The following FSTL5 variants were observed in gnomAD, a reference collection of about 807,000 sequenced individuals.
FSTL5 encodes follistatin like 5, also known as follistatin-related protein 5.
Under a neutral mutation model 89.1 loss-of-function variants are expected in FSTL5, and 62 were observed. The observed-to-expected ratio is 0.70, with a 90% CI of 0.57 to 0.86. The LOEUF (loss-of-function observed/expected upper bound fraction) is 0.86, where lower values mean the gene tolerates loss of function less well. Ranked by LOEUF, FSTL5 falls within the 40% of genes least tolerant of loss-of-function variation. FSTL5 has a pLI of 0.00. For synonymous variants in FSTL5, 383 were observed against 346.2 expected, an observed-to-expected ratio of 1.11 and a Z score of -1.18; for missense variants, 1,057 against 1,001.6, an observed-to-expected ratio of 1.06 and a Z score of -0.75.
At position 161,835,107 on chromosome 4, in the gene FSTL5, A is replaced by G. The variant is rs528609857; in HGVS notation, c.410-59033T>C. ...ATGGTACTGGTACCAAAACAGAGAT[A>G]TAGATCAATGGAACAGAACAGAGCC... On this transcript the variant is annotated intron_variant, in intron 4 of 15. Coordinates refer to ENST00000306100, the MANE Select transcript of FSTL5 (RefSeq NM_020116.5). 1.8e-4 allele frequency among the ~76,000 whole-genome samples: 27 copies of G among 148,018 alleles called. 1 individual carries two copies. The highest frequency in any genetic ancestry group is 6.7e-4 in the African/African-American group (26 of 38,910).
At chr4:161,632,144 G>A (rs569772620) in intron 7 of FSTL5, among the ~76,000 whole-genome samples, 2 of 152,264 alleles carry the variant, frequency 1.3e-5, no homozygotes, top group Admixed American at 6.5e-5. Context: ...ACTTTGGGAG[G>A]CTGAGGCAGG....
At chr4:161,968,732 C>A (rs1735394437) in intron 3 of FSTL5, among the ~76,000 whole-genome samples, 1 of 152,018 alleles carries the variant, frequency 6.6e-6, no homozygotes, top group Admixed American at 6.6e-5. Flanking sequence ...AGTAACACCA[C>A]ATATTGCCAG....
intron 3 of FSTL5, among the ~76,000 whole-genome samples, chr4:161,929,061 T>A (rs1264171640): frequency 6.6e-6 from 1 of 151,682 alleles, no homozygotes; most frequent in African/African-American, 2.4e-5. Flanking sequence ...GAATTTTTTT[T>A]GAATTACATA....
At chr4:161,559,021 C>G (rs570702370) in intron 8 of FSTL5, among the ~76,000 whole-genome samples, 7 of 151,934 alleles carry the variant, frequency 4.6e-5, no homozygotes, top group Non-Finnish European at 1.0e-4. Context: ...CTTCATTCTT[C>G]ATACTGCCGA....
At chr4:161,904,356 T>G in intron 4 of FSTL5, among the ~76,000 whole-genome samples, 1 of 152,122 alleles carries the variant, frequency 6.6e-6, no homozygotes, top group East Asian at 1.9e-4. Context: ...CTAATTTCAC[T>G]TATTCTACTA....
intron 4 of FSTL5, among the ~76,000 whole-genome samples, chr4:161,777,640 C>A (rs546423856): frequency 5.3e-5 from 8 of 151,930 alleles, no homozygotes; most frequent in Non-Finnish European, 1.2e-4. Context: ...TATATTTGCA[C>A]TTTTTATTTT....
intron 11 of FSTL5, among the ~76,000 whole-genome samples, chr4:161,501,096 C>T (rs1253703144): frequency 6.6e-6 from 1 of 152,084 alleles, no homozygotes; most frequent in Non-Finnish European, 1.5e-5. Flanking sequence ...TCAGTGATAG[C>T]ATGTTCTCTT....
chr4:161,441,585 T>A (rs1360898824), intron 15 of FSTL5, among the ~76,000 whole-genome samples: 1 of 152,074 alleles, frequency 6.6e-6, no homozygotes, highest in African/African-American at 2.4e-5. Flanking sequence ...AAAATTTCAC[T>A]GAGTTAAGTC....
intron 7 of FSTL5, among the ~76,000 whole-genome samples, chr4:161,639,163 C>G (rs1042059792): frequency 2.0e-5 from 3 of 152,020 alleles, no homozygotes; most frequent in Admixed American, 1.3e-4. Context: ...AGCAATTAAA[C>G]CACTATAAAT....
chr4:161,908,645 G>A (rs1319793337), intron 4 of FSTL5, among the ~76,000 whole-genome samples: 2 of 152,118 alleles, frequency 1.3e-5, no homozygotes, highest in East Asian at 3.9e-4. Flanking sequence ...ATGATTGGAA[G>A]CCTGATGGAT....
intron 6 of FSTL5, 40 bp from the exon 7 acceptor site, chr4:161,656,534 G>C (rs754926249): frequency 1.5e-6 from 2 of 1,340,016 alleles, no homozygotes; most frequent in Admixed American, 2.7e-5. Context: ...TGAGCATTTA[G>C]TTTTGTAAGG....
At chr4:161,804,595 T>C (rs531102293) in intron 4 of FSTL5, among the ~76,000 whole-genome samples, 2 of 151,924 alleles carry the variant, frequency 1.3e-5, no homozygotes, top group Non-Finnish European at 2.9e-5. Flanking sequence ...TATTAAAATA[T>C]GGATGAATTT....
intron 15 of FSTL5, among the ~76,000 whole-genome samples, chr4:161,449,766 A>C (rs1342154706): frequency 2.0e-5 from 3 of 152,160 alleles, no homozygotes; most frequent in Non-Finnish European, 4.4e-5. Flanking sequence ...ACTTGTTTTA[A>C]ATTGTATCAA....
intron 15 of FSTL5, among the ~76,000 whole-genome samples, chr4:161,391,200 A>G (rs13121845): frequency 7.9e-5 from 12 of 152,174 alleles, no homozygotes; most frequent in African/African-American, 2.4e-4. Flanking sequence ...TTCCAGAACC[A>G]CAGAATTTGA....
At chr4:161,853,544 C>CA (rs1560882478) in intron 4 of FSTL5, among the ~76,000 whole-genome samples, 3 of 144,492 alleles carry the variant, frequency 2.1e-5, no homozygotes, top group Non-Finnish European at 1.5e-5. Flanking sequence ...TCCCAAGTGG[C>CA]TTTTTTTTTT....
intron 3 of FSTL5, among the ~76,000 whole-genome samples, chr4:161,997,558 T>C (rs1197391860): frequency 6.6e-6 from 1 of 152,068 alleles, no homozygotes; most frequent in Non-Finnish European, 1.5e-5. Context: ...AAGTTTTAAG[T>C]CTTTATATGA....
chr4:161,615,712 G>T (rs1734843495), intron 7 of FSTL5, among the ~76,000 whole-genome samples: 1 of 152,066 alleles, frequency 6.6e-6, no homozygotes, highest in African/African-American at 2.4e-5. Flanking sequence ...TTGATTGTGG[G>T]TGTTAAATGC....
At chr4:161,919,262 CATGT>C (rs1370152665) in intron 4 of FSTL5, among the ~76,000 whole-genome samples, 3 of 152,054 alleles carry the variant, frequency 2.0e-5, no homozygotes, top group Non-Finnish European at 4.4e-5. Context: ...ATTCTCTGCA[CATGT>C]ATGTAAGAGG....
intron 4 of FSTL5, among the ~76,000 whole-genome samples, chr4:161,779,597 A>AAGGGC (rs1186191402): frequency 6.6e-6 from 1 of 151,452 alleles, no homozygotes; most frequent in Non-Finnish European, 1.5e-5. Context: ...TAGAACTAGG[A>AAGGGC]AGGGCAGAAT....
Sources: allele counts gnomAD v4.1 joint callset (sites outside exome capture counted in the v4.1 genomes callset), GRCh38; gene constraint gnomAD v4.1.1; transcripts MANE v1.5; gene names NCBI Gene and HGNC (gene_info 2026-07-23, HGNC 2026-07-21).